PTPRD: variants seen among roughly 807,000 people sequenced by gnomAD.
PTPRD encodes the protein protein tyrosine phosphatase receptor type D, also known as receptor-type tyrosine-protein phosphatase delta.
A neutral mutation model predicts 214.5 loss-of-function variants in PTPRD; 34 were observed. That is an observed-to-expected ratio of 0.16 (90% CI 0.12 to 0.21). The LOEUF (loss-of-function observed/expected upper bound fraction) is 0.21, where lower values mean the gene tolerates loss of function less well. Among genes scored for constraint, PTPRD ranks in the 10% least tolerant of loss-of-function variants. PTPRD has a pLI of 1.00. For missense variants in PTPRD, 2,545 were observed against 2,398.7 expected (o/e 1.06, Z -1.27); for synonymous variants, 1,128 against 845.7 (o/e 1.33, Z -5.79).
chr9:10,143,183 G>C (rs923656307), intron 3 of PTPRD, among the ~76,000 whole-genome samples: 4 of 152,074 alleles, frequency 2.6e-5, no homozygotes, highest in Non-Finnish European at 4.4e-5. Context: ...TAGATGACGA[G>C]TTAGTGGGTG....
At chr9:9,141,778 C>T (rs1344451291) in intron 10 of PTPRD, among the ~76,000 whole-genome samples, 1 of 150,934 alleles carries the variant, frequency 6.6e-6, no homozygotes, top group African/African-American at 2.4e-5. Context: ...TAAACATATT[C>T]ATATATTATA....
chr9:9,793,311 T>C (rs1165176943), intron 5 of PTPRD, among the ~76,000 whole-genome samples: 2 of 152,110 alleles, frequency 1.3e-5, no homozygotes, highest in African/African-American at 2.4e-5. Context: ...TTTCTCTGAG[T>C]TGTTTTGTTT....
chr9:9,943,119 T>C (rs763098173), intron 4 of PTPRD, among the ~76,000 whole-genome samples: 4 of 152,130 alleles, frequency 2.6e-5, no homozygotes, highest in Non-Finnish European at 4.4e-5. Flanking sequence ...GACAATATCG[T>C]AGTACAATCA....
rs1164260581 is a variant in PTPRD, at chr9:8,413,955, G to GA, written c.4087-9296dup. On this transcript the variant is annotated intron_variant, in intron 35 of 45. Coordinates refer to ENST00000381196, the MANE Select transcript of PTPRD (RefSeq NM_002839.4). ...GATGATCTTATGTATTAGACCTCTG[G>GA]AAAAAATGGAATCACTTGAGAACAC... Among the ~76,000 whole-genome samples the GA allele has an allele frequency of 2.6e-5, 4 of 151,996 alleles. 1 individual carries two copies. The highest frequency in any genetic ancestry group is 2.6e-4 in the Admixed American group (4 of 15,250).
chr9:9,860,283 A>G (rs950824401), intron 5 of PTPRD, among the ~76,000 whole-genome samples: 1 of 152,270 alleles, frequency 6.6e-6, no homozygotes, highest in African/African-American at 2.4e-5. Context: ...TTCAGCTACA[A>G]AAATCATCAT....
chr9:8,353,902 ATATATGTG>A (rs1331481614), intron 39 of PTPRD, among the ~76,000 whole-genome samples: 1 of 83,370 alleles, frequency 1.2e-5, no homozygotes, highest in South Asian at 3.6e-4. Flanking sequence ...GTATATATGT[ATATATGTG>A]TATATATGTA....
chr9:9,070,907 A>T (rs2099742757), intron 10 of PTPRD, among the ~76,000 whole-genome samples: 1 of 151,976 alleles, frequency 6.6e-6, no homozygotes, highest in Non-Finnish European at 1.5e-5. Context: ...CACTACCTTT[A>T]TTATGATTAT....
chr9:9,448,274 C>T (rs1268779319), intron 8 of PTPRD, among the ~76,000 whole-genome samples: 4 of 152,050 alleles, frequency 2.6e-5, no homozygotes, highest in African/African-American at 7.2e-5. Flanking sequence ...CCACCCAAAT[C>T]TCATCTCTAA....
At chr9:8,437,089 T>C in intron 34 of PTPRD, 3 of 744,856 alleles carry the variant, frequency 4.0e-6, no homozygotes, top group Admixed American at 5.9e-5. Context: ...TGGAATTAAA[T>C]GGTGTAAAGT....
intron 11 of PTPRD, among the ~76,000 whole-genome samples, chr9:8,934,875 G>T (rs764278156): frequency 9.2e-4 from 140 of 151,934 alleles, no homozygotes; most frequent in Non-Finnish European, 1.8e-3. Context: ...TTGTCTTTCT[G>T]TGCCTGTCTT....
At position 9,916,040 on chromosome 9, in the gene PTPRD, G is replaced by A. The variant is rs184207145; in HGVS notation, c.-368+22467C>T. On this transcript the variant is annotated intron_variant, in intron 5 of 45. Transcript: ENST00000381196. ...ATAGTTTTCAGCAGAAACCTTAGAG[G>A]CAAGGAGAGAATGAGGCGATATATC... Among the ~76,000 whole-genome samples the A allele has an allele frequency of 3.4e-4, 52 of 151,312 alleles. 1 individual carries two copies. The highest frequency in any genetic ancestry group is 2.9e-4 in the Non-Finnish European group (20 of 67,818).
intron 30 of PTPRD, among the ~76,000 whole-genome samples, chr9:8,477,744 T>C (rs1293388521): frequency 1.3e-5 from 2 of 152,206 alleles, no homozygotes; most frequent in Non-Finnish European, 2.9e-5. Flanking sequence ...TTCTAAGGTT[T>C]GTCTGGGGCA....
intron 12 of PTPRD, among the ~76,000 whole-genome samples, chr9:8,730,549 C>T (rs939562616): frequency 5.3e-5 from 8 of 152,158 alleles, no homozygotes; most frequent in East Asian, 1.9e-4. Context: ...CAAGTGATTT[C>T]GTTAGAGTGA....
intron 3 of PTPRD, among the ~76,000 whole-genome samples, chr9:10,234,327 T>C (rs1370364783): frequency 1.3e-5 from 2 of 151,986 alleles, no homozygotes; most frequent in Non-Finnish European, 2.9e-5. Context: ...CTAACAGAGA[T>C]CTGCGGAACA....
intron 3 of PTPRD, among the ~76,000 whole-genome samples, chr9:10,214,203 A>C (rs1235901523): frequency 1.3e-5 from 2 of 152,110 alleles, no homozygotes; most frequent in Non-Finnish European, 2.9e-5. Flanking sequence ...GGCTAGAAAA[A>C]TATGGAAATT....
intron 9 of PTPRD, among the ~76,000 whole-genome samples, chr9:9,277,289 T>C (rs1453985730): frequency 6.6e-6 from 1 of 151,414 alleles, no homozygotes; most frequent in Non-Finnish European, 1.5e-5. Context: ...TGTCTTAAAA[T>C]GCCAATCTGT....
chr9:9,333,504 T>TTTTATATATATATATATAATATTATATA (rs544075539), intron 9 of PTPRD, among the ~76,000 whole-genome samples: 1 of 137,246 alleles, frequency 7.3e-6, no homozygotes, highest in African/African-American at 2.9e-5. Context: ...ATATAGTATA[T>TTTTATATATATATATATAATATTATATA]TATATATATA....
intron 9 of PTPRD, among the ~76,000 whole-genome samples, chr9:9,305,815 C>A (rs79103170): frequency 0.12 from 17,542 of 152,026 alleles, 1,270 homozygotes; most frequent in Middle Eastern, 0.17. Context: ...AGGCCATGTG[C>A]CAATCAGAGA....
At chr9:10,112,850 A>T (rs1242475055) in intron 3 of PTPRD, among the ~76,000 whole-genome samples, 1 of 152,218 alleles carries the variant, frequency 6.6e-6, no homozygotes, top group African/African-American at 2.4e-5. Context: ...TTGTCTTAAA[A>T]TATAATTCCC....
Sources: gnomAD v4.1 joint callset for allele counts (sites outside exome capture counted in the v4.1 genomes callset) on GRCh38, gnomAD v4.1.1 for gene constraint, MANE v1.5 for transcripts, NCBI Gene and HGNC (gene_info 2026-07-23, HGNC 2026-07-21) for gene names.